Variants in RGS12 observed in about 807,000 individuals in gnomAD.
The protein encoded by RGS12 is regulator of G protein signaling 12.
Under a neutral mutation model 120.1 loss-of-function variants are expected in RGS12, and 66 were observed. The observed-to-expected ratio is 0.55, with a 90% CI of 0.45 to 0.67. The LOEUF is 0.67. Ranked by LOEUF, RGS12 falls within the 30% of genes least tolerant of loss-of-function variation. The probability of loss-of-function intolerance (pLI) is 0.00; values close to 1 mark genes in which losing one functional copy is unlikely to be tolerated. For synonymous variants in RGS12, 827 were observed against 804.7 expected, an observed-to-expected ratio of 1.03 and a Z score of -0.47; for missense variants, 1,859 against 1,957.7, an observed-to-expected ratio of 0.95 and a Z score of 0.95.
At chr4:3,287,535 C>T in the RGS12 span, among the ~76,000 whole-genome samples, 4 of 152,358 alleles carry the variant, frequency 2.6e-5, no homozygotes, top group South Asian at 2.1e-4. Context: ...TGCCCCTGCC[C>T]GCTGGCCTTT....
chr4:3,343,250 G>A lies in RGS12; in HGVS notation c.1998+197G>A. 5.7e-6 allele frequency: 3 copies of A among 530,506 alleles called. No homozygotes were observed. In the East Asian group the frequency reaches 9.5e-5, roughly 17 times the overall value. The allele number at this position is 530,506 out of a possible 1,614,324, so 32.9% of individuals were successfully genotyped here. On this transcript the variant is annotated intron_variant, in intron 3 of 17. Coordinates refer to ENST00000336727, the MANE Select transcript of RGS12 (RefSeq NM_001394154.1). ...TTCTACCCTGCAATGTGTCTGAGCT[G>A]TCACAGGGCTTTCTGGGGTGCTCTT... is the stretch of plus-strand genomic sequence containing the variant.
intron 17 of RGS12, among the ~76,000 whole-genome samples, chr4:3,435,614 C>T (rs1468823596): frequency 1.3e-5 from 2 of 151,948 alleles, no homozygotes; most frequent in African/African-American, 4.8e-5. Flanking sequence ...GGCTCCTGCC[C>T]AGCTCCGTGG....
intron 2 of RGS12, among the ~76,000 whole-genome samples, chr4:3,322,827 C>T (rs921890319): frequency 1.3e-5 from 2 of 152,174 alleles, no homozygotes; most frequent in African/African-American, 2.4e-5. Context: ...CTGAGGTGCT[C>T]AGTCGTTTGT....
chr4:3,408,992 A>G (rs2109072933), intron 4 of RGS12, among the ~76,000 whole-genome samples: 1 of 152,258 alleles, frequency 6.6e-6, no homozygotes, highest in African/African-American at 2.4e-5. Flanking sequence ...AATACCAGAG[A>G]AGAGCATGGA....
chr4:3,423,643 T>TA lies in RGS12; in HGVS notation c.3234+2_3234+3insA. ...CTCAGTGGCCTGCTGGTGAGGCTGG[T>TA]GAGTGTTGCACGGGGCCCGGGCGTC... On this transcript the variant is annotated splice_region_variant and intron_variant, in intron 13 of 17. Coordinates refer to ENST00000336727, the MANE Select transcript of RGS12 (RefSeq NM_001394154.1). 1 of 1,605,718 alleles carries TA rather than the reference T, an allele frequency of 6.2e-7. No individual in the cohort carries two copies. The highest frequency in any genetic ancestry group is 8.5e-7 in the Non-Finnish European group (1 of 1,178,872).
intron 2 of RGS12, chr4:3,342,577 G>A (rs1713348524): frequency 1.5e-6 from 2 of 1,307,912 alleles, no homozygotes; most frequent in Non-Finnish European, 2.0e-6. Context: ...TTTACTCTCA[G>A]TGTACTGTGT....
Position 3,403,393 on chromosome 4 carries a change from G to A in RGS12, c.2021-10679G>A, listed in dbSNP as rs967222608. ...CTGCAGGGCTGTGAGGTCTGGCTGT[G>A]GGGGCCAGACTCACGGTCAGCCCAG... On this transcript the variant is annotated intron_variant, in intron 4 of 17. Transcript: ENST00000336727. Among the ~76,000 whole-genome samples the A allele has an allele frequency of 2.6e-5, 4 of 152,182 alleles. No homozygotes were observed. In the South Asian group the frequency reaches 8.3e-4, roughly 32 times the overall value.
At position 3,390,668 on chromosome 4, in the gene RGS12, G is replaced by C. The variant is rs964472530; in HGVS notation, c.2020+4231G>C. On this transcript the variant is annotated intron_variant, in intron 4 of 17. Coordinates refer to ENST00000336727, the MANE Select transcript of RGS12 (RefSeq NM_001394154.1). This position sits in a 1 kb window ranked among gnomAD's most constrained non-coding sequence, Gnocchi z 4.6. ...CAGACCTGGCCATGGCGGAAGATTC[G>C]GGCTCCACCTGCAGCTCCACAGCTG... Among the ~76,000 whole-genome samples the C allele has an allele frequency of 3.9e-5, 6 of 152,122 alleles. No homozygotes were observed. Among genetic ancestry groups the C allele is most frequent in the African/African-American group, 1.4e-4 (6 of 41,420 alleles).
At chr4:3,422,266 C>A in intron 10 of RGS12, 110 bp from the exon 11 acceptor site, 1 of 1,090,654 alleles carries the variant, frequency 9.2e-7, no homozygotes, top group African/African-American at 1.6e-5. Flanking sequence ...CGTGGCAGGG[C>A]GCCAGCCTCC....
At chr4:3,362,819 G>C (rs1364141794) in intron 3 of RGS12, among the ~76,000 whole-genome samples, 1 of 149,248 alleles carries the variant, frequency 6.7e-6, no homozygotes, top group Non-Finnish European at 1.5e-5. Flanking sequence ...GTGAGGGTGT[G>C]TCAGTGTGTT....
intron 4 of RGS12, among the ~76,000 whole-genome samples, chr4:3,409,182 A>C (rs1721467689): frequency 6.6e-6 from 1 of 152,130 alleles, no homozygotes; most frequent in South Asian, 2.1e-4. Context: ...CTCTCTCAGG[A>C]GGGTCTGCCA....
chr4:3,361,347 C>G (rs1715541126), intron 3 of RGS12, among the ~76,000 whole-genome samples: 1 of 152,170 alleles, frequency 6.6e-6, no homozygotes, highest in African/African-American at 2.4e-5. Context: ...CCGAGCCATG[C>G]TTTTCTGTTT....
At chr4:3,312,088 G>A (rs1724437665) in intron 1 of RGS12, among the ~76,000 whole-genome samples, 1 of 152,176 alleles carries the variant, frequency 6.6e-6, no homozygotes, top group Non-Finnish European at 1.5e-5. Flanking sequence ...GACTTACTAA[G>A]TCAGAGTCCC....
chr4:3,414,384 G>A (rs747903343), intron 5 of RGS12, 143 bp downstream of exon 5: 10 of 924,930 alleles, frequency 1.1e-5, no homozygotes, highest in South Asian at 5.4e-5. Context: ...TCCCTGGACC[G>A]CCACCCTCTC....
intron 3 of RGS12, among the ~76,000 whole-genome samples, chr4:3,347,503 C>T (rs1324738122): frequency 6.6e-6 from 1 of 152,096 alleles, no homozygotes; most frequent in Non-Finnish European, 1.5e-5. Context: ...AAGTAAAGAA[C>T]CAACAATGTT....
At chr4:3,386,609 A>G (rs995792162) in intron 4 of RGS12, among the ~76,000 whole-genome samples, 172 bp downstream of exon 4, 1 of 152,170 alleles carries the variant, frequency 6.6e-6, no homozygotes, top group Non-Finnish European at 1.5e-5. Flanking sequence ...TGTGACACCC[A>G]GGTGGCCTCG....
At chr4:3,405,840 C>G (rs1721058003) in intron 4 of RGS12, among the ~76,000 whole-genome samples, 1 of 152,164 alleles carries the variant, frequency 6.6e-6, no homozygotes, top group South Asian at 2.1e-4. Context: ...TGAATCTGGG[C>G]AAACGGATAT....
rs150591241 is a variant in RGS12 at position 3,337,283 on chromosome 4, C to T, written c.1882-5654C>T. Among the ~76,000 whole-genome samples, 621 of 152,226 alleles carry T rather than the reference C, an allele frequency of 4.1e-3. 7 individuals carry two copies. The highest frequency in any genetic ancestry group is 0.014 in the African/African-American group (579 of 41,528). ...GCGCACTGCTGGGAATGCCAAGTGC[C>T]GCACCCACCATGGGAAACAGTGTGG... is the stretch of plus-strand genomic sequence containing the variant. On this transcript the variant is annotated intron_variant, in intron 2 of 17. Coordinates refer to ENST00000336727, the MANE Select transcript of RGS12 (RefSeq NM_001394154.1).
At chr4:3,371,645 CT>C (rs1717000502) in intron 3 of RGS12, among the ~76,000 whole-genome samples, 2 of 152,160 alleles carry the variant, frequency 1.3e-5, no homozygotes, top group African/African-American at 4.8e-5. Flanking sequence ...GCGGCTCCCC[CT>C]CTCGCAGTCA....
Sources: allele counts gnomAD v4.1 joint callset (sites outside exome capture counted in the v4.1 genomes callset), GRCh38; gene constraint gnomAD v4.1.1; non-coding constraint Gnocchi (gnomAD v3.1); transcripts MANE v1.5; gene names NCBI Gene and HGNC (gene_info 2026-07-23, HGNC 2026-07-21).